WWC2: variants seen among roughly 807,000 people sequenced by gnomAD.
WWC2 encodes the protein WW and C2 domain containing 2, also known as protein WWC2.
In WWC2, 101 loss-of-function variants were observed where a neutral mutation model predicts 138.5. The observed-to-expected ratio is 0.73, with a 90% confidence interval of 0.62 to 0.86. WWC2 has a LOEUF of 0.86. Among genes scored for constraint, WWC2 ranks in the 40% least tolerant of loss-of-function variants. The pLI is 0.00. For missense variants in WWC2, 1,420 were observed against 1,419.4 expected, an observed-to-expected ratio of 1.00 and a Z score of -0.01; for synonymous variants, 558 against 538.4, an observed-to-expected ratio of 1.04 and a Z score of -0.50.
At chr4:183,138,608 C>T (rs564147497) in intron 1 of WWC2, among the ~76,000 whole-genome samples, 2 of 152,224 alleles carry the variant, frequency 1.3e-5, no homozygotes, top group East Asian at 1.9e-4. Context: ...TCGTATGGTC[C>T]TTTATATAAA....
intron 8 of WWC2, among the ~76,000 whole-genome samples, chr4:183,251,362 T>C (rs1295966458): frequency 2.0e-5 from 3 of 152,218 alleles, no homozygotes; most frequent in Non-Finnish European, 4.4e-5. Context: ...TGAAAGAGAA[T>C]GGCCATTACT....
Position 183,312,330 on chromosome 4 carries a change from C to A in WWC2, c.3385-11C>A. ...TTTGTGTGTTTCTTACATTTTTATT[C>A]CCTTTTCCAGGCTGAACAGTCCAAA... On this transcript the variant is annotated splice_polypyrimidine_tract_variant and intron_variant, in intron 21 of 22. Coordinates refer to ENST00000403733, the MANE Select transcript of WWC2 (RefSeq NM_024949.6). The A allele has an allele frequency of 6.2e-7, 1 of 1,611,684 alleles. No homozygotes were observed. The highest frequency in any genetic ancestry group is 1.1e-5 in the South Asian group (1 of 90,872).
At chr4:183,279,777 G>T (rs1434414614) in intron 16 of WWC2, among the ~76,000 whole-genome samples, 1 of 152,112 alleles carries the variant, frequency 6.6e-6, no homozygotes, top group Non-Finnish European at 1.5e-5. Context: ...GGTGTTTGTA[G>T]TATTCTCTGA....
intron 4 of WWC2, among the ~76,000 whole-genome samples, chr4:183,216,035 A>T (rs1178240278): frequency 6.6e-6 from 1 of 152,174 alleles, no homozygotes; most frequent in Non-Finnish European, 1.5e-5. Flanking sequence ...ATGTTATGAG[A>T]TAAAGATATA....
In WWC2 at chr4:183,099,606, A is replaced by T; in HGVS notation, c.115A>T (p.Ile39Phe). 7.3e-7 allele frequency: 1 copy of T among 1,374,650 alleles called. No individual in the cohort carries two copies. Among genetic ancestry groups the T allele is most frequent in the Non-Finnish European group, 9.6e-7 (1 of 1,045,822 alleles). 85.2% of individuals were successfully genotyped at this position (1,374,650 alleles called of 1,614,324 possible). A position where few individuals can be genotyped will look rare whatever the true frequency, so the allele number is the denominator to read the frequency against. Residue 39 changes from isoleucine to phenylalanine, a missense_variant, in exon 1 of 23, where the codon ATC (isoleucine) becomes TTC (phenylalanine). Transcript: ENST00000403733. ...IDHNTRRTSW[I>F]DPRDRLTKPL... ...CCACAACACCAGGAGGACCAGCTGG[A>T]TCGACCCCCGGGACAGGTGGGCGCC...
chr4:183,268,869 C>T (rs757551477), intron 14 of WWC2, 102 bp from the exon 15 acceptor site: 132 of 1,227,904 alleles, frequency 1.1e-4, no homozygotes, highest in Non-Finnish European at 1.4e-4. Context: ...TTGAACTCCA[C>T]GATCCCTCAT....
intron 1 of WWC2, among the ~76,000 whole-genome samples, chr4:183,113,005 G>C (rs1029432355): frequency 1.3e-5 from 2 of 152,102 alleles, no homozygotes. Flanking sequence ...GGGCACGGTG[G>C]CTCATGCGTG....
chr4:183,190,982 C>T (rs564923084), intron 1 of WWC2, among the ~76,000 whole-genome samples: 56 of 152,232 alleles, frequency 3.7e-4, no homozygotes, highest in African/African-American at 1.1e-3. Flanking sequence ...TTACCGTTCT[C>T]GTGTTTTCTC....
At chr4:183,295,747 G>A (rs749528052) in intron 21 of WWC2, among the ~76,000 whole-genome samples, 1 of 152,186 alleles carries the variant, frequency 6.6e-6, no homozygotes, top group Non-Finnish European at 1.5e-5. Context: ...AAGAATGGCA[G>A]CGCGAGAGGA....
chr4:183,215,872 CAATT>C (rs1735742245), intron 4 of WWC2, among the ~76,000 whole-genome samples: 1 of 152,016 alleles, frequency 6.6e-6, no homozygotes, highest in Non-Finnish European at 1.5e-5. Context: ...ATATTAAAAG[CAATT>C]AATTTTTCCT....
chr4:183,299,712 A>G (rs1438480489), intron 21 of WWC2, among the ~76,000 whole-genome samples: 2 of 152,216 alleles, frequency 1.3e-5, no homozygotes, highest in East Asian at 3.9e-4. Flanking sequence ...CACACATGGC[A>G]CACACACACT....
chr4:183,185,103 C>T (rs1734750718), intron 1 of WWC2, among the ~76,000 whole-genome samples: 1 of 151,920 alleles, frequency 6.6e-6, no homozygotes, highest in African/African-American at 2.4e-5. Flanking sequence ...TACCTCAGAA[C>T]TTAGAGATGT....
intron 21 of WWC2, among the ~76,000 whole-genome samples, chr4:183,304,755 T>G (rs1379387992): frequency 6.6e-6 from 1 of 152,224 alleles, no homozygotes; most frequent in African/African-American, 2.4e-5. Context: ...TTCATAGAGC[T>G]ATAGAACACT....
intron 1 of WWC2, among the ~76,000 whole-genome samples, chr4:183,167,796 T>TAA (rs1734166325): frequency 6.6e-6 from 1 of 152,052 alleles, no homozygotes; most frequent in Non-Finnish European, 1.5e-5. Context: ...AGGTCAAATT[T>TAA]TGAGTATCCT....
chr4:183,316,450 A>G lies in WWC2; in HGVS notation c.*721A>G, dbSNP rs1172562974. Reference sequence around the variant, plus strand: ...GATTCATGACACTGAGGGCAGGGAGAAGAAAGAACACCAGCCACGCAGAGA... The same window carrying G: ...GATTCATGACACTGAGGGCAGGGAGGAGAAAGAACACCAGCCACGCAGAGA... On this transcript the variant is annotated 3_prime_UTR_variant, in exon 23 of 23. Coordinates refer to ENST00000403733, the MANE Select transcript of WWC2 (RefSeq NM_024949.6). 6.6e-6 allele frequency: 1 copy of G among 152,248 alleles called. No individual in the cohort carries two copies. Among genetic ancestry groups the G allele is most frequent in the African/African-American group, 2.4e-5 (1 of 41,464 alleles). 9.4% of individuals were successfully genotyped at this position (152,248 alleles called of 1,614,324 possible). A position where few individuals can be genotyped will look rare whatever the true frequency, so the allele number is the denominator to read the frequency against.
intron 1 of WWC2, among the ~76,000 whole-genome samples, chr4:183,169,713 T>C (rs1734225365): frequency 6.6e-6 from 1 of 152,172 alleles, no homozygotes; most frequent in Non-Finnish European, 1.5e-5. Flanking sequence ...TTATATAATA[T>C]AGTATATATG....
intron 1 of WWC2, among the ~76,000 whole-genome samples, chr4:183,150,200 A>G (rs923920286): frequency 2.0e-5 from 3 of 152,190 alleles, no homozygotes; most frequent in South Asian, 2.1e-4. Context: ...TCAGCTGCCC[A>G]GTTTTTGGAT....
In WWC2 at chr4:183,265,673, TC is replaced by T; in HGVS notation, c.2040-12del. The T allele has an allele frequency of 6.2e-7, 1 of 1,603,670 alleles. No individual in the cohort carries two copies. Among genetic ancestry groups the T allele is most frequent in the Non-Finnish European group, 8.5e-7 (1 of 1,174,468 alleles). On this transcript the variant is annotated splice_polypyrimidine_tract_variant and intron_variant, in intron 12 of 22. Coordinates refer to ENST00000403733, the MANE Select transcript of WWC2 (RefSeq NM_024949.6). Reference sequence around the variant, plus strand: ...CCCCATTAATTAACTGTTCATCTACTCCCTGTCCATATAGACCTAGTGAAAT... The same window carrying T: ...CCCCATTAATTAACTGTTCATCTACTCCTGTCCATATAGACCTAGTGAAAT...
intron 21 of WWC2, among the ~76,000 whole-genome samples, chr4:183,296,793 G>T (rs191582607): frequency 1.3e-5 from 2 of 151,836 alleles, no homozygotes; most frequent in Admixed American, 6.5e-5. Flanking sequence ...AATTAGCGAG[G>T]CATGGTGGCA....
Sources: allele counts gnomAD v4.1 joint callset (sites outside exome capture counted in the v4.1 genomes callset), GRCh38; gene constraint gnomAD v4.1.1; transcripts MANE v1.5; gene names NCBI Gene and HGNC (gene_info 2026-07-23, HGNC 2026-07-21).